The following SYK variants were observed in gnomAD, a reference collection of about 807,000 sequenced individuals.
SYK encodes tyrosine-protein kinase SYK.
In SYK, 16 loss-of-function variants were observed where a neutral mutation model predicts 77.8. That is an observed-to-expected ratio of 0.21 (90% CI 0.14 to 0.31). The LOEUF (loss-of-function observed/expected upper bound fraction) is 0.31. SYK is among the 10% of genes least tolerant of loss of function. SYK has a pLI of 1.00. For missense variants in SYK, 529 were observed against 814.4 expected, an observed-to-expected ratio of 0.65 and a Z score of 4.26; for synonymous variants, 312 against 308.7, an observed-to-expected ratio of 1.01 and a Z score of -0.11.
intron 1 of SYK, among the ~76,000 whole-genome samples, chr9:90,825,811 C>T (rs556772073): frequency 2.6e-4 from 39 of 152,202 alleles, no homozygotes; most frequent in African/African-American, 8.7e-4. Context: ...GAGGCTGAGA[C>T]GTGAGATGGG....
At chr9:90,869,556 A>G (rs895788388) in intron 7 of SYK, among the ~76,000 whole-genome samples, 2 of 152,236 alleles carry the variant, frequency 1.3e-5, no homozygotes, top group African/African-American at 4.8e-5. Flanking sequence ...TGAGAAAAGA[A>G]TTGTGAGAAT....
At chr9:90,882,108 C>G (rs932341377) in intron 11 of SYK, among the ~76,000 whole-genome samples, 1 of 152,242 alleles carries the variant, frequency 6.6e-6, no homozygotes, top group Admixed American at 6.5e-5. Flanking sequence ...AAAGTATACA[C>G]TACCTATTTA....
chr9:90,829,558 G>A (rs1168558995), intron 1 of SYK, among the ~76,000 whole-genome samples: 2 of 152,160 alleles, frequency 1.3e-5, no homozygotes, highest in Non-Finnish European at 2.9e-5. Flanking sequence ...TGGAAATCAC[G>A]CAGTCCCCAG....
intron 1 of SYK, among the ~76,000 whole-genome samples, chr9:90,805,585 C>T (rs764160320): frequency 3.3e-5 from 5 of 152,176 alleles, no homozygotes; most frequent in Non-Finnish European, 5.9e-5. Context: ...TATACTCTGC[C>T]TGACTATAAG....
chr9:90,873,919 A>G (rs539426098), intron 7 of SYK, among the ~76,000 whole-genome samples: 3 of 152,316 alleles, frequency 2.0e-5, no homozygotes, highest in Non-Finnish European at 2.9e-5. Flanking sequence ...GTGGGGAAGC[A>G]GCTCTATCCA....
chr9:90,841,563 T>C (rs1244335225), intron 1 of SYK, among the ~76,000 whole-genome samples: 2 of 149,662 alleles, frequency 1.3e-5, no homozygotes, highest in Non-Finnish European at 3.0e-5. Context: ...TGGTGTAGTG[T>C]GTGTGATGTG....
chr9:90,806,094 C>G (rs1824824070), intron 1 of SYK, among the ~76,000 whole-genome samples: 1 of 152,214 alleles, frequency 6.6e-6, no homozygotes, highest in Non-Finnish European at 1.5e-5. Context: ...ATTCCATTTT[C>G]TATCTCGTAC....
At chr9:90,887,304 C>G (rs1480499303) in intron 11 of SYK, among the ~76,000 whole-genome samples, 2 of 152,052 alleles carry the variant, frequency 1.3e-5, no homozygotes, top group African/African-American at 4.8e-5. Flanking sequence ...TGTTTATCCA[C>G]TCATCTGCTG....
rs1244795210 is a variant in SYK, at chr9:90,897,582, CG to C, written c.*1984del. The stretch of plus-strand genomic sequence containing the variant: ...CACAGGCCCCGTGCTCGTAGGAATA[CG>C]GTAGCACCTATGTAGGAAGTGCGTG... On this transcript the variant is annotated 3_prime_UTR_variant, in exon 14 of 14. Coordinates refer to ENST00000375754, the MANE Select transcript of SYK (RefSeq NM_003177.7). 4.4e-6 allele frequency: 1 copy of C among 229,438 alleles called. No individual in the cohort carries two copies. The highest frequency in any genetic ancestry group is 8.6e-6 in the Non-Finnish European group (1 of 115,682). The allele number at this position is 229,438 out of a possible 1,614,324, so 14.2% of individuals were successfully genotyped here. A position where few individuals can be genotyped will look rare whatever the true frequency, so the allele number is the denominator to read the frequency against.
chr9:90,891,694 G>A (rs1270026897), intron 13 of SYK, among the ~76,000 whole-genome samples: 1 of 152,040 alleles, frequency 6.6e-6, no homozygotes, highest in Non-Finnish European at 1.5e-5. Context: ...GAATCACTTT[G>A]TCTAAACATA....
chr9:90,802,927 A>G (rs945782368), intron 1 of SYK, among the ~76,000 whole-genome samples: 18 of 152,156 alleles, frequency 1.2e-4, no homozygotes, highest in South Asian at 2.1e-4. Context: ...AATTGATTCT[A>G]CCATCTGACT....
chr9:90,874,581 G>A lies in SYK; in HGVS notation c.1004-91G>A, dbSNP rs906365970. The A allele has an allele frequency of 1.2e-5, 17 of 1,430,820 alleles. No individual in the cohort carries two copies. In the Admixed American group the frequency reaches 1.7e-4, roughly 14 times the overall value. 88.6% of individuals were successfully genotyped at this position (1,430,820 alleles called of 1,614,324 possible). A position where few individuals can be genotyped will look rare whatever the true frequency, so the allele number is the denominator to read the frequency against. ...CCTTGCAACATTGATGCTACTCTGA[G>A]TTCATATTCCCATGAAGATCATGTT... is the stretch of plus-strand genomic sequence containing the variant. On this transcript the variant is annotated intron_variant, in intron 8 of 13. Coordinates refer to ENST00000375754, the MANE Select transcript of SYK (RefSeq NM_003177.7).
chr9:90,844,551 G>A (rs1174760903), intron 2 of SYK, among the ~76,000 whole-genome samples: 1 of 152,248 alleles, frequency 6.6e-6, no homozygotes, highest in African/African-American at 2.4e-5. Context: ...TTTCTCCACA[G>A]CAGGGAACCA....
intron 5 of SYK, 139 bp downstream of exon 5, chr9:90,864,806 C>A (rs1303204570): frequency 5.2e-6 from 4 of 767,234 alleles, no homozygotes; most frequent in South Asian, 5.1e-5. Flanking sequence ...TCAGAGCACT[C>A]CGATTTTGTA....
At chr9:90,870,741 C>CA (rs34036960) in intron 7 of SYK, among the ~76,000 whole-genome samples, 1 of 151,860 alleles carries the variant, frequency 6.6e-6, no homozygotes, top group African/African-American at 2.4e-5. Context: ...GTAATTCCAC[C>CA]AAAAAAAGGA....
rs143329726 is a variant in SYK at position 90,855,011 on chromosome 9, T to TACATACACAC, written c.579-7192_579-7191insTACACACACA. On this transcript the variant is annotated intron_variant, in intron 3 of 13. Coordinates refer to ENST00000375754, the MANE Select transcript of SYK (RefSeq NM_003177.7). Reference sequence around the variant, plus strand: ...TCTCTCTCTCACACACACACATACATACACACACACACACACACACACACA... The same window carrying TACATACACAC: ...TCTCTCTCTCACACACACACATACATACATACACACACACACACACACACACACACACACA... Among the ~76,000 whole-genome samples the TACATACACAC allele has an allele frequency of 7.0e-5, 10 of 143,414 alleles. No homozygotes were observed. In the South Asian group the frequency reaches 7.2e-4, roughly 10 times the overall value. The allele number at this position is 143,414 out of a possible 152,430, so 94.1% of individuals were successfully genotyped here.
chr9:90,865,889 GC>G (rs1449116719), intron 6 of SYK, among the ~76,000 whole-genome samples: 2 of 68,172 alleles, frequency 2.9e-5, no homozygotes, highest in Non-Finnish European at 2.7e-5. Context: ...GCTACATATG[GC>G]CTTTTTTTTT....
At chr9:90,877,922 T>C in intron 10 of SYK, 142 bp downstream of exon 10, 1 of 751,876 alleles carries the variant, frequency 1.3e-6, no homozygotes, top group Non-Finnish European at 2.2e-6. Flanking sequence ...CTCAGGGACC[T>C]TGACAGAGGG....
intron 4 of SYK, among the ~76,000 whole-genome samples, chr9:90,864,271 A>G (rs1271846815): frequency 6.6e-6 from 1 of 152,178 alleles, no homozygotes; most frequent in East Asian, 1.9e-4. Context: ...AATGGTTTGT[A>G]TGCTGTTAAA....
Sources: allele counts gnomAD v4.1 joint callset (sites outside exome capture counted in the v4.1 genomes callset), GRCh38; gene constraint gnomAD v4.1.1; transcripts MANE v1.5; gene names NCBI Gene and HGNC (gene_info 2026-07-23, HGNC 2026-07-21).